Variants in FGFBP2 observed in about 807,000 individuals in gnomAD.
FGFBP2 encodes the protein fibroblast growth factor-binding protein 2.
FGFBP2 carries 7 observed loss-of-function variants against 7.3 expected under a neutral mutation model. The observed-to-expected ratio is 0.96, with a 90% CI of 0.55 to 1.81. FGFBP2 has a LOEUF of 1.81. Among genes scored for constraint, FGFBP2 ranks in the 40% most tolerant of loss-of-function variants. The pLI, the probability that FGFBP2 is intolerant of heterozygous loss-of-function variation, is 0.00. For synonymous variants in FGFBP2, 131 were observed against 110.2 expected (o/e 1.19, Z -1.18); for missense variants, 291 against 280.1 (o/e 1.04, Z -0.28).
intron 1 of FGFBP2, among the ~76,000 whole-genome samples, chr4:15,961,490 G>A (rs7675330): frequency 0.49 from 75,192 of 151,998 alleles, 19,317 homozygotes; most frequent in South Asian, 0.71. Flanking sequence ...CTGCCTGGGC[G>A]CTTGTAGAAA....
Position 15,962,448 on chromosome 4 carries a change from C to CT in FGFBP2, c.*9dup, listed in dbSNP as rs1713110173. 1 of 1,544,954 alleles carries CT rather than the reference C, an allele frequency of 6.5e-7. No homozygotes were observed. The highest frequency in any genetic ancestry group is 1.4e-5 in the African/African-American group (1 of 72,672). The stretch of plus-strand genomic sequence containing the variant: ...AGGAAAGGGTATTACCTGTAGGGGT[C>CT]TTTCACCTGTCACCCTCGGAAGAAG... On this transcript the variant is annotated 3_prime_UTR_variant, in exon 1 of 2. Transcript: ENST00000259989.
chr4:15,961,565 CT>C (rs1191765429), intron 1 of FGFBP2, among the ~76,000 whole-genome samples: 1 of 152,136 alleles, frequency 6.6e-6, no homozygotes, highest in Non-Finnish European at 1.5e-5. Context: ...TGCTTTGTTC[CT>C]ATTTTTCTTA....
chr4:15,962,992 A>G lies in FGFBP2; in HGVS notation c.138T>C (p.Arg46=), dbSNP rs1243015005. The stretch of plus-strand genomic sequence containing the variant: ...CAGCACCTTGCCCCAAGCTGCTGGG[A>G]CGCATAGTGCAGGAATCTCTCCCTC... ...QTGGRDSCTM[R]PSSLGQGAGE... Residue 46 remains arginine (R), a synonymous_variant, in exon 1 of 2, where the codon CGT becomes CGC. Transcript: ENST00000259989. 8 of 1,613,856 alleles carry G rather than the reference A, an allele frequency of 5.0e-6. No homozygotes were observed. The East Asian group carries it at 1.6e-4, about 31-fold the overall frequency.
chr4:15,962,405 G>A, intron 1 of FGFBP2, 33 bp downstream of exon 1: 1 of 1,478,678 alleles, frequency 6.8e-7, no homozygotes, highest in Non-Finnish European at 9.1e-7. Flanking sequence ...TATACACGTA[G>A]TCTCTGTATA....
intron 1 of FGFBP2, 128 bp downstream of exon 1, chr4:15,962,308 ACC>A (rs1239461420): frequency 1.2e-6 from 1 of 803,176 alleles, no homozygotes; most frequent in African/African-American, 1.7e-5. Flanking sequence ...CCTCAAACCC[ACC>A]CCCAAACACA....
rs752387398 is a variant in FGFBP2, at chr4:15,962,416, T to C, written c.*20+22A>G. On this transcript the variant is annotated intron_variant, in intron 1 of 1. Transcript: ENST00000259989. ...AGTATATACACGTAGTCTCTGTATA[T>C]GAGTAAAGGAAAGGGTATTACCTGT... The C allele has an allele frequency of 2.6e-6, 4 of 1,509,984 alleles. No homozygotes were observed. The African/African-American group carries it at 5.6e-5, about 21-fold the overall frequency. 93.5% of individuals were successfully genotyped at this position (1,509,984 alleles called of 1,614,324 possible). A position where few individuals can be genotyped will look rare whatever the true frequency, so the allele number is the denominator to read the frequency against.
intron 1 of FGFBP2, among the ~76,000 whole-genome samples, chr4:15,962,152 T>C (rs1244733456): frequency 1.3e-5 from 2 of 152,186 alleles, no homozygotes; most frequent in Non-Finnish European, 1.5e-5. Context: ...CCTGCGCTAC[T>C]ATGTTGGAGA....
At chr4:15,961,559 T>G (rs1317804095) in intron 1 of FGFBP2, among the ~76,000 whole-genome samples, 1 of 152,222 alleles carries the variant, frequency 6.6e-6, no homozygotes, top group Non-Finnish European at 1.5e-5. Flanking sequence ...GAAATCTGCT[T>G]TGTTCCTATT....
rs748789106 is a variant in FGFBP2, at chr4:15,962,758, G to C, written c.372C>G (p.Ala124=). Residue 124 remains alanine, a synonymous_variant, in exon 1 of 2, where the codon GCC becomes GCG. Coordinates refer to ENST00000259989, the MANE Select transcript of FGFBP2 (RefSeq NM_031950.4). ...PSVCREAGPQ[A]HMQQVTSSLK... The stretch of plus-strand genomic sequence containing the variant: ...GGCTGGAAGTCACCTGCTGCATATG[G>C]GCCTGGGGTCCAGCCTCCCTGCACA... 8.7e-6 allele frequency: 14 copies of C among 1,607,550 alleles called. No individual in the cohort carries two copies. Among genetic ancestry groups the C allele is most frequent in the Non-Finnish European group, 1.2e-5 (14 of 1,176,578 alleles).
Position 15,962,444 on chromosome 4 carries a change from G to T in FGFBP2, c.*14C>A, listed in dbSNP as rs1239784879. The T allele has an allele frequency of 6.5e-7, 1 of 1,541,194 alleles. No homozygotes were observed. Among genetic ancestry groups the T allele is most frequent in the Non-Finnish European group, 8.7e-7 (1 of 1,143,948 alleles). ...GTAAAGGAAAGGGTATTACCTGTAG[G>T]GGTCTTTCACCTGTCACCCTCGGAA... On this transcript the variant is annotated 3_prime_UTR_variant, in exon 1 of 2. Coordinates refer to ENST00000259989, the MANE Select transcript of FGFBP2 (RefSeq NM_031950.4).
At position 15,962,840 on chromosome 4, in the gene FGFBP2, T is replaced by G. The variant is rs1465636006; in HGVS notation, c.290A>C (p.Gln97Pro). Residue 97 changes from glutamine to proline, a missense_variant, in exon 1 of 2, where the codon CAG (glutamine) becomes CCG (proline). By Grantham distance (76) the Gln-to-Pro change is moderately conservative. Transcript: ENST00000259989. ...CGCATGGTGAAGGCGCCTCAGCTCC[T>G]GCAGGGCTTGATTCCAGTAAGGTTT... is the stretch of plus-strand genomic sequence containing the variant. Reference protein sequence around the residue: ...DPKPYWNQALQELRRLHHACQ... With the variant: ...DPKPYWNQALPELRRLHHACQ... 20 of 1,563,088 alleles carry G rather than the reference T, an allele frequency of 1.3e-5. No homozygotes were observed. The highest frequency in any genetic ancestry group is 1.7e-5 in the Non-Finnish European group (20 of 1,157,138).
Position 15,962,960 on chromosome 4 carries a change from AC to A in FGFBP2, c.169del (p.Val57SerfsTer43), listed in dbSNP as rs759630894. 6.2e-7 allele frequency: 1 copy of A among 1,611,944 alleles called. No homozygotes were observed. The highest frequency in any genetic ancestry group is 8.5e-7 in the Non-Finnish European group (1 of 1,179,302). ...PSSLGQGAGE[V>X]WLRVDCRNTD... ...GTTGCGGCAGTCGACACGAAGCCAG[AC>A]TTCTCCAGCACCTTGCCCCAAGCTG... On this transcript the variant is annotated frameshift_variant, in exon 1 of 2. Transcript: ENST00000259989. LOFTEE classifies it high-confidence loss of function.
rs771756659 is a variant in FGFBP2, at chr4:15,962,470, G to A, written c.660C>T (p.Phe220=). The stretch of plus-strand genomic sequence containing the variant: ...GGTCTTTCACCTGTCACCCTCGGAA[G>A]AAGCTGATGAGAAAGGCGCACAGGG... ...FQALCAFLIS[F]FRG is the part of the protein sequence containing the mutation. The change falls in exon 1 of 2, where the codon TTC becomes TTT. Residue 220 remains phenylalanine (F), a synonymous_variant. Coordinates refer to ENST00000259989, the MANE Select transcript of FGFBP2 (RefSeq NM_031950.4). 6 of 1,559,146 alleles carry A rather than the reference G, an allele frequency of 3.8e-6. No individual in the cohort carries two copies. Among genetic ancestry groups the A allele is most frequent in the Non-Finnish European group, 5.2e-6 (6 of 1,152,014 alleles).
intron 1 of FGFBP2, 64 bp downstream of exon 1, chr4:15,962,374 C>T (rs549884476): frequency 8.1e-6 from 11 of 1,362,168 alleles, no homozygotes; most frequent in South Asian, 1.7e-5. Flanking sequence ...GTGCCTCTCA[C>T]GTAGTCTCTG....
Position 15,962,613 on chromosome 4 carries a change from C to A in FGFBP2, c.517G>T (p.Gly173Ter), listed in dbSNP as rs113401070. ...QLGKDSMEELGKAKPTTRPTA... is the reference protein window; with the variant it reads ...QLGKDSMEEL The stretch of plus-strand genomic sequence containing the variant: ...GGTCGGGTGGTGGGTTTGGCTTTTC[C>A]CAGCTCTTCCATCGAGTCCTTTCCC... Residue 173 changes from glycine (G) to a stop codon, truncating the protein, a stop_gained, in exon 1 of 2, where the codon GGA becomes TGA. Coordinates refer to ENST00000259989, the MANE Select transcript of FGFBP2 (RefSeq NM_031950.4). LOFTEE classifies it low-confidence loss of function (END_TRUNC). 1 of 1,614,160 alleles carries A rather than the reference C, an allele frequency of 6.2e-7. No homozygotes were observed. The highest frequency in any genetic ancestry group is 8.5e-7 in the Non-Finnish European group (1 of 1,180,028).
intron 1 of FGFBP2, among the ~76,000 whole-genome samples, chr4:15,961,783 GTTA>G (rs1175626591): frequency 2.0e-5 from 3 of 152,100 alleles, no homozygotes; most frequent in Non-Finnish European, 4.4e-5. Context: ...GATTAAATCT[GTTA>G]TTATTAATTA....
intron 1 of FGFBP2, among the ~76,000 whole-genome samples, chr4:15,961,196 T>C (rs1395361553): frequency 6.6e-6 from 1 of 152,202 alleles, no homozygotes; most frequent in Non-Finnish European, 1.5e-5. Flanking sequence ...TCTGTTAACA[T>C]TGTTTATCTC....
chr4:15,961,802 T>G (rs1174290393), intron 1 of FGFBP2, among the ~76,000 whole-genome samples: 1 of 152,182 alleles, frequency 6.6e-6, no homozygotes, highest in Non-Finnish European at 1.5e-5. Context: ...AATTAGATTT[T>G]CTCCTCTGTG....
At position 15,963,095 on chromosome 4, in the gene FGFBP2, A is replaced by T; in HGVS notation, c.35T>A (p.Leu12Ter). ...KFVPCLLLVT[L>*]SCLGTLGQAP... ...CTGACCCAAAGTCCCCAGGCAGGAC[A>T]AGGTCACCAGCAGGAGGCAGGGGAC... Residue 12 changes from leucine to a stop codon, truncating the protein, a stop_gained, in exon 1 of 2, where the codon TTG becomes TAG. Coordinates refer to ENST00000259989, the MANE Select transcript of FGFBP2 (RefSeq NM_031950.4). LOFTEE classifies it high-confidence loss of function. The T allele has an allele frequency of 1.2e-6, 2 of 1,608,794 alleles. No individual in the cohort carries two copies. Among genetic ancestry groups the T allele is most frequent in the Non-Finnish European group, 1.7e-6 (2 of 1,176,604 alleles).
Sources: gnomAD v4.1 joint callset for allele counts (sites outside exome capture counted in the v4.1 genomes callset) on GRCh38, gnomAD v4.1.1 for gene constraint, MANE v1.5 for transcripts, NCBI Gene and HGNC (gene_info 2026-07-23, HGNC 2026-07-21) for gene names.